The following TBC1D1 variants were observed in gnomAD, a reference collection of about 807,000 sequenced individuals.
TBC1D1 encodes TBC1 domain family member 1, also known as TBC1 (tre-2/USP6, BUB2, cdc16) domain family, member 1.
In TBC1D1, 89 loss-of-function variants were observed where a neutral mutation model predicts 125.6. That is an observed-to-expected ratio of 0.71 (90% CI 0.60 to 0.85). TBC1D1 has a LOEUF of 0.85. TBC1D1 is among the 40% of genes least tolerant of loss of function. The probability of loss-of-function intolerance (pLI) is 0.00; values close to 1 mark genes in which losing one functional copy is unlikely to be tolerated. For missense variants in TBC1D1, 1,377 were observed against 1,469.2 expected (o/e 0.94, Z 1.03); for synonymous variants, 565 against 564.1 (o/e 1.00, Z -0.02).
chr4:38,117,011 T>A (rs768888971), intron 16 of TBC1D1, among the ~76,000 whole-genome samples: 9 of 152,240 alleles, frequency 5.9e-5, no homozygotes, highest in Non-Finnish European at 1.3e-4. Flanking sequence ...CCACATGTAC[T>A]GTGAGGTTCT....
intron 6 of TBC1D1, among the ~76,000 whole-genome samples, chr4:38,024,663 G>A (rs1411378488): frequency 6.6e-6 from 1 of 152,202 alleles, no homozygotes; most frequent in Non-Finnish European, 1.5e-5. Flanking sequence ...ATTGTTAGTA[G>A]AAGAAGTGCT....
chr4:37,954,506 A>C (rs73810062), intron 2 of TBC1D1, among the ~76,000 whole-genome samples: 2,425 of 152,240 alleles, frequency 0.016, 50 homozygotes, highest in African/African-American at 0.055. Flanking sequence ...ATTTTAGTGA[A>C]GAGGAAATGG....
chr4:38,020,244 T>C (rs1743710718), intron 4 of TBC1D1, among the ~76,000 whole-genome samples: 1 of 152,158 alleles, frequency 6.6e-6, no homozygotes. Context: ...CCCAGCACTT[T>C]GGGAGGCTGA....
rs1305455040 is a variant in TBC1D1, at chr4:37,920,043, G to A, written c.417+17531G>A. Among the ~76,000 whole-genome samples the A allele has an allele frequency of 3.3e-5, 5 of 152,212 alleles. 1 individual carries two copies. Among genetic ancestry groups the A allele is most frequent in the Admixed American group, 2.6e-4 (4 of 15,286 alleles). On this transcript the variant is annotated intron_variant, in intron 2 of 19. Coordinates refer to ENST00000261439, the MANE Select transcript of TBC1D1 (RefSeq NM_015173.4). ...CAGGAGAATGGCGTGAACCGGTGAG[G>A]CGGAGCTTGCAGTGAGCCGAGATAA...
In TBC1D1 at chr4:38,014,090, C is replaced by T. The variant is rs986319481; in HGVS notation, c.418-419C>T. The stretch of plus-strand genomic sequence containing the variant: ...TAATTGAGTCATGTTTTGTGAACCA[C>T]GTTGGAGACAGACTTCTCTGGGAGG... On this transcript the variant is annotated intron_variant, in intron 2 of 19. Transcript: ENST00000261439. This position sits in a 1 kb window ranked among gnomAD's most constrained non-coding sequence, Gnocchi z 5.1. Among the ~76,000 whole-genome samples the T allele has an allele frequency of 6.6e-5, 10 of 152,194 alleles. No individual in the cohort carries two copies. Among genetic ancestry groups the T allele is most frequent in the African/African-American group, 9.7e-5 (4 of 41,434 alleles).
At chr4:38,111,274 G>C (rs1379764744) in intron 15 of TBC1D1, among the ~76,000 whole-genome samples, 2 of 152,194 alleles carry the variant, frequency 1.3e-5, no homozygotes, top group East Asian at 3.8e-4. Flanking sequence ...CAGGAATGTG[G>C]GTGAGTTGTC....
intron 15 of TBC1D1, among the ~76,000 whole-genome samples, chr4:38,112,894 G>C (rs984816633): frequency 2.6e-5 from 4 of 152,172 alleles, no homozygotes; most frequent in African/African-American, 7.2e-5. Context: ...TCCTCTGGTT[G>C]AACCTTTCTC....
chr4:37,902,688 A>C (rs1716342637), intron 2 of TBC1D1, among the ~76,000 whole-genome samples, 176 bp downstream of exon 2: 1 of 152,258 alleles, frequency 6.6e-6, no homozygotes, highest in South Asian at 2.1e-4. Context: ...TTTAAAGCAC[A>C]TTTGAAAACA....
At chr4:37,952,008 C>T (rs1356768494) in intron 2 of TBC1D1, 1 of 717,562 alleles carries the variant, frequency 1.4e-6, no homozygotes, top group African/African-American at 1.7e-5. Context: ...TATTACAGTG[C>T]TCATCATCAC....
intron 10 of TBC1D1, among the ~76,000 whole-genome samples, chr4:38,046,370 T>G (rs1749475116): frequency 7.0e-6 from 1 of 143,040 alleles, no homozygotes; most frequent in Non-Finnish European, 1.5e-5. Flanking sequence ...AGACTCTGTG[T>G]AAAAAAAAAA....
intron 2 of TBC1D1, among the ~76,000 whole-genome samples, chr4:38,011,109 T>C (rs964404699): frequency 2.0e-5 from 3 of 152,084 alleles, no homozygotes; most frequent in African/African-American, 7.2e-5. Context: ...CCCACCACTT[T>C]GGGAGGCCGA....
intron 11 of TBC1D1, 81 bp from the exon 13 acceptor site, chr4:38,053,021 GTTTC>G: frequency 1.9e-6 from 2 of 1,030,442 alleles, no homozygotes; most frequent in Non-Finnish European, 2.5e-6. Context: ...GAACAAAAAT[GTTTC>G]TTTTATTTTG....
Position 38,138,540 on chromosome 4 carries a change from C to T in TBC1D1, c.*1205C>T, listed in dbSNP as rs62297301. The T allele has an allele frequency of 0.014, 2,077 of 152,728 alleles. 20 individuals are homozygous for T. The highest frequency in any genetic ancestry group is 0.024 in the Middle Eastern group (7 of 294). The allele number at this position is 152,728 out of a possible 1,614,324, so 9.5% of individuals were successfully genotyped here. A position where few individuals can be genotyped will look rare whatever the true frequency, so the allele number is the denominator to read the frequency against. ...TTCAGAGGTCGCACACAGTGACTCTCCTCTCTCAGGATGACGAGGACCTGT... is the reference window on the plus strand; with the variant it reads ...TTCAGAGGTCGCACACAGTGACTCTTCTCTCTCAGGATGACGAGGACCTGT... On this transcript the variant is annotated 3_prime_UTR_variant, in exon 20 of 20. Coordinates refer to ENST00000261439, the MANE Select transcript of TBC1D1 (RefSeq NM_015173.4).
chr4:38,102,867 C>T, intron 14 of TBC1D1, 132 bp from the exon 17 acceptor site: 1 of 1,065,502 alleles, frequency 9.4e-7, no homozygotes, highest in South Asian at 1.7e-5. Flanking sequence ...GGTGACAAAG[C>T]CAGACTCTGT....
intron 12 of TBC1D1, among the ~76,000 whole-genome samples, chr4:38,069,627 A>G (rs183710727): frequency 3.6e-4 from 54 of 151,960 alleles, no homozygotes; most frequent in African/African-American, 1.1e-3. Context: ...GCTTGTTACT[A>G]TATGCAGTCA....
intron 2 of TBC1D1, among the ~76,000 whole-genome samples, chr4:37,927,846 A>G (rs1295753125): frequency 1.3e-5 from 2 of 152,204 alleles, no homozygotes; most frequent in East Asian, 3.8e-4. Context: ...GCAGTGTGCT[A>G]CAGTTAGTTG....
At chr4:38,054,426 C>T (rs1020888324) in intron 12 of TBC1D1, 88 bp downstream of exon 14, 89 of 1,548,808 alleles carry the variant, frequency 5.7e-5, no homozygotes, top group Non-Finnish European at 6.9e-5. Flanking sequence ...GAAAGCAGAG[C>T]GCCGTCCTCT....
chr4:37,915,461 G>A (rs1719528323), intron 2 of TBC1D1, among the ~76,000 whole-genome samples: 1 of 152,176 alleles, frequency 6.6e-6, no homozygotes, highest in Non-Finnish European at 1.5e-5. Flanking sequence ...ACCAAGGGAA[G>A]GGGAAGATCA....
In TBC1D1 at chr4:38,137,544, G is replaced by A. The variant is rs571626137; in HGVS notation, c.*209G>A. 36 of 604,500 alleles carry A rather than the reference G, an allele frequency of 6.0e-5. 1 individual carries two copies. The highest frequency in any genetic ancestry group is 2.3e-4 in the South Asian group (4 of 17,272). 37.4% of individuals were successfully genotyped at this position (604,500 alleles called of 1,614,324 possible). A position where few individuals can be genotyped will look rare whatever the true frequency, so the allele number is the denominator to read the frequency against. On this transcript the variant is annotated 3_prime_UTR_variant, in exon 20 of 20. Transcript: ENST00000261439. ...TTTTGTTGTTTTTAGATACTAAATC[G>A]TCCCTTCTCCAGTCCTGATTACTGT...
Sources: gnomAD v4.1 joint callset for allele counts (sites outside exome capture counted in the v4.1 genomes callset) on GRCh38, gnomAD v4.1.1 for gene constraint, Gnocchi (gnomAD v3.1) non-coding constraint, MANE v1.5 for transcripts, NCBI Gene and HGNC (gene_info 2026-07-23, HGNC 2026-07-21) for gene names.